The following NLRP14 variants were observed in gnomAD, a reference collection of about 807,000 sequenced individuals.
The protein encoded by NLRP14 is NLR family pyrin domain containing 14.
NLRP14 carries 105 observed loss-of-function variants against 94.7 expected under a neutral mutation model. The ratio of observed to expected loss-of-function variants is 1.11; its 90% CI spans 0.95 to 1.30. NLRP14 has a LOEUF of 1.30. Ranked by LOEUF, NLRP14 falls within the 50% of genes most tolerant of loss-of-function variation. The pLI, the probability that NLRP14 is intolerant of heterozygous loss-of-function variation, is 0.00. For synonymous variants in NLRP14, 508 were observed against 459.9 expected, an observed-to-expected ratio of 1.10 and a Z score of -1.34; for missense variants, 1,362 against 1,254.1, an observed-to-expected ratio of 1.09 and a Z score of -1.30.
At chr11:7,039,571 G>A (rs1852216489) in intron 2 of NLRP14, 143 bp from the exon 3 acceptor site, 1 of 758,364 alleles carries the variant, frequency 1.3e-6, no homozygotes, top group Non-Finnish European at 2.4e-6. Context: ...TATGGAGTCT[G>A]AGGCTCTGGC....
chr11:7,063,045 A>G (rs75308680), intron 10 of NLRP14, among the ~76,000 whole-genome samples: 3,072 of 152,230 alleles, frequency 0.02, 44 homozygotes, highest in Non-Finnish European at 0.031. Context: ...AAGCTCAGAC[A>G]TAATGACATG....
intron 5 of NLRP14, among the ~76,000 whole-genome samples, chr11:7,048,373 C>A (rs1008235052): frequency 2.0e-5 from 3 of 152,194 alleles, no homozygotes; most frequent in Admixed American, 1.3e-4. Flanking sequence ...AAGGACTCCA[C>A]TAGGAGCTGA....
At chr11:7,062,767 C>G (rs1376610678) in intron 10 of NLRP14, among the ~76,000 whole-genome samples, 2 of 151,992 alleles carry the variant, frequency 1.3e-5, no homozygotes, top group Non-Finnish European at 2.9e-5. Context: ...TTTGGGTCTT[C>G]ATGTTCTGTC....
chr11:7,025,471 A>T (rs1852001550), intron 1 of NLRP14, among the ~76,000 whole-genome samples: 1 of 152,210 alleles, frequency 6.6e-6, no homozygotes, highest in African/African-American at 2.4e-5. Context: ...AAAATTATGG[A>T]CAAGGAAACA....
Position 7,043,778 on chromosome 11 carries a change from C to A in NLRP14, c.1752C>A (p.His584Gln). 2 of 1,614,132 alleles carry A rather than the reference C, an allele frequency of 1.2e-6. No homozygotes were observed. The highest frequency in any genetic ancestry group is 1.7e-6 in the Non-Finnish European group (2 of 1,179,964). The change falls in exon 4 of 12, where the codon CAC becomes CAA. Residue 584 changes from histidine (H) to glutamine (Q), a missense_variant. By Grantham distance (24) the His-to-Gln change is conservative. Transcript: ENST00000299481. ...PSQLGFLELFHCLYETQDKAF... is the reference protein window; with the variant it reads ...PSQLGFLELFQCLYETQDKAF... ...AGCTGGGATTTCTGGAGTTGTTTCA[C>A]TGTCTGTATGAGACTCAAGATAAAG...
intron 4 of NLRP14, 94 bp downstream of exon 4, chr11:7,044,078 G>C: frequency 8.2e-7 from 1 of 1,218,976 alleles, no homozygotes; most frequent in South Asian, 1.2e-5. Context: ...AGGTCCCAGA[G>C]CTGAGATAAC....
intron 8 of NLRP14, 75 bp downstream of exon 8, chr11:7,058,525 G>T: frequency 8.9e-7 from 1 of 1,122,288 alleles, no homozygotes. Context: ...AAAATATTAT[G>T]AACACATTCT....
At chr11:7,042,048 T>G (rs10160529) in intron 3 of NLRP14, among the ~76,000 whole-genome samples, 122,353 of 150,786 alleles carry the variant, frequency 0.81, 49,897 homozygotes, top group East Asian at 0.99. Context: ...CTGGATGACA[T>G]CTCTGTTCTC....
At chr11:7,045,647 G>A (rs917386334) in intron 4 of NLRP14, among the ~76,000 whole-genome samples, 1 of 151,980 alleles carries the variant, frequency 6.6e-6, no homozygotes, top group African/African-American at 2.4e-5. Flanking sequence ...ACTATGAACT[G>A]TCATTCATTC....
At chr11:7,055,925 C>T (rs536539055) in intron 6 of NLRP14, among the ~76,000 whole-genome samples, 8 of 152,110 alleles carry the variant, frequency 5.3e-5, no homozygotes, top group African/African-American at 1.7e-4. Context: ...CGTGCAGGCT[C>T]TTAAGAAGGA....
intron 1 of NLRP14, among the ~76,000 whole-genome samples, chr11:7,027,017 C>T (rs1312976897): frequency 1.3e-5 from 2 of 152,028 alleles, no homozygotes; most frequent in African/African-American, 4.8e-5. Flanking sequence ...TGCCCATCCA[C>T]ACAATGCATT....
intron 6 of NLRP14, among the ~76,000 whole-genome samples, chr11:7,051,899 G>A (rs1222500048): frequency 6.6e-6 from 1 of 152,214 alleles, no homozygotes; most frequent in African/African-American, 2.4e-5. Flanking sequence ...GGGATTACAG[G>A]CATGAGCCAT....
At chr11:7,077,885 G>A in the NLRP14 span, among the ~76,000 whole-genome samples, 5 of 152,092 alleles carry the variant, frequency 3.3e-5, no homozygotes, top group South Asian at 1.0e-3. Context: ...AACCATATCA[G>A]AGGGGGTTCC....
intron 1 of NLRP14, among the ~76,000 whole-genome samples, chr11:7,028,633 A>G (rs1048458405): frequency 3.3e-5 from 5 of 152,158 alleles, no homozygotes; most frequent in Admixed American, 1.3e-4. Context: ...AGAGCTCTAC[A>G]TGATATCTCT....
chr11:7,067,066 T>C (rs913142667), intron 10 of NLRP14, among the ~76,000 whole-genome samples: 3 of 152,212 alleles, frequency 2.0e-5, no homozygotes, highest in African/African-American at 7.2e-5. Flanking sequence ...TCTATATATC[T>C]GTTTTGGTAC....
intron 10 of NLRP14, among the ~76,000 whole-genome samples, chr11:7,068,500 T>C (rs1852741967): frequency 6.6e-6 from 1 of 152,222 alleles, no homozygotes; most frequent in Admixed American, 6.5e-5. Flanking sequence ...ACATACTCCT[T>C]AATTTTCAAG....
Position 7,044,122 on chromosome 11 carries a change from C to A in NLRP14, c.1958+138C>A, listed in dbSNP as rs1362071207. The A allele has an allele frequency of 9.2e-6, 8 of 868,522 alleles. No individual in the cohort carries two copies. The Admixed American group carries it at 1.8e-4, about 20-fold the overall frequency. The allele number at this position is 868,522 out of a possible 1,614,324, so 53.8% of individuals were successfully genotyped here. ...GTTGTCCCATCTTGAGGCAGGGAGG[C>A]TAAGCATTTAAACCCCTTATTGACC... On this transcript the variant is annotated intron_variant, in intron 4 of 11. Coordinates refer to ENST00000299481, the MANE Select transcript of NLRP14 (RefSeq NM_176822.4).
At position 7,043,671 on chromosome 11, in the gene NLRP14, A is replaced by C; in HGVS notation, c.1645A>C (p.Asn549His). 1 of 1,614,042 alleles carries C rather than the reference A, an allele frequency of 6.2e-7. No individual in the cohort carries two copies. The change falls in exon 4 of 12, where the codon AAC (asparagine) becomes CAC (histidine). Residue 549 changes from asparagine to histidine, a missense_variant. Physicochemically the swap from Asn to His is moderately conservative, Grantham distance 68 (BLOSUM62 1). Transcript: ENST00000299481. The part of the protein sequence containing the change: ...DRVKQLERTF[N>H]CKMSLKIKSK... ...AGTAAAACAACTGGAGAGGACTTTTAACTGTAAAATGTCACTGAAGATAAA... is the reference window on the plus strand; with the variant it reads ...AGTAAAACAACTGGAGAGGACTTTTCACTGTAAAATGTCACTGAAGATAAA...
At chr11:7,053,235 AC>A in intron 6 of NLRP14, among the ~76,000 whole-genome samples, 1 of 152,182 alleles carries the variant, frequency 6.6e-6, no homozygotes, top group Middle Eastern at 3.4e-3. Context: ...ATACCGTATT[AC>A]TTCAACATTT....
Sources: allele counts gnomAD v4.1 joint callset (sites outside exome capture counted in the v4.1 genomes callset), GRCh38; gene constraint gnomAD v4.1.1; transcripts MANE v1.5; gene names NCBI Gene and HGNC (gene_info 2026-07-23, HGNC 2026-07-21).